SLC22A23: variants seen among roughly 807,000 people sequenced by gnomAD.
The protein encoded by SLC22A23 is ion transporter protein.
SLC22A23 carries 26 observed loss-of-function variants against 61.0 expected under a neutral mutation model. That is an observed-to-expected ratio of 0.43 (90% CI 0.31 to 0.59). SLC22A23 has a LOEUF of 0.59. SLC22A23 is among the 20% of genes least tolerant of loss of function. The pLI is 0.11. For synonymous variants in SLC22A23, 430 were observed against 413.9 expected, an observed-to-expected ratio of 1.04 and a Z score of -0.47; for missense variants, 796 against 934.7, an observed-to-expected ratio of 0.85 and a Z score of 1.94.
At chr6:3,285,492 C>T (rs1156561242) in intron 7 of SLC22A23, among the ~76,000 whole-genome samples, 2 of 152,240 alleles carry the variant, frequency 1.3e-5, no homozygotes, top group East Asian at 3.9e-4. Flanking sequence ...CCCAGCTCTG[C>T]TCCTCACGGC....
At chr6:3,350,243 G>A (rs1764686205) in intron 3 of SLC22A23, among the ~76,000 whole-genome samples, 1 of 152,130 alleles carries the variant, frequency 6.6e-6, no homozygotes, top group African/African-American at 2.4e-5. Flanking sequence ...GCCCTAATGT[G>A]TCATAAACTA....
At chr6:3,358,621 C>T (rs955431211) in intron 3 of SLC22A23, among the ~76,000 whole-genome samples, 5 of 151,974 alleles carry the variant, frequency 3.3e-5, no homozygotes, top group East Asian at 3.9e-4. Context: ...TTCAGGCAGG[C>T]GAGATGAATA....
intron 2 of SLC22A23, among the ~76,000 whole-genome samples, chr6:3,413,883 C>T (rs1286160735): frequency 6.6e-6 from 1 of 152,342 alleles, no homozygotes; most frequent in East Asian, 1.9e-4. Flanking sequence ...AAAACTACCA[C>T]TCAGGCAGCC....
At chr6:3,359,948 T>C (rs1293450444) in intron 3 of SLC22A23, among the ~76,000 whole-genome samples, 1 of 152,218 alleles carries the variant, frequency 6.6e-6, no homozygotes, top group Non-Finnish European at 1.5e-5. Context: ...CTTATTTTTG[T>C]CCTTAGAGGT....
In SLC22A23 at chr6:3,339,476, A is replaced by G. The variant is rs112668580; in HGVS notation, c.914-15474T>C. On this transcript the variant is annotated intron_variant, in intron 3 of 9. Transcript: ENST00000406686. ...ACTCCATCTTAAACAGGAGCTGGGT[A>G]AAATGAGGCTGAAACCTACTGGGCT... Among the ~76,000 whole-genome samples, 1,493 of 152,334 alleles carry G rather than the reference A, an allele frequency of 9.8e-3. 29 individuals are homozygous for G. The highest frequency in any genetic ancestry group is 0.035 in the African/African-American group (1,435 of 41,564).
intron 3 of SLC22A23, among the ~76,000 whole-genome samples, chr6:3,359,796 G>A (rs556806647): frequency 2.0e-5 from 3 of 152,280 alleles, no homozygotes; most frequent in African/African-American, 7.2e-5. Flanking sequence ...TGGGAGCAAC[G>A]CAGGTGTCCA....
chr6:3,285,993 C>T (rs997886672), intron 7 of SLC22A23, among the ~76,000 whole-genome samples: 14 of 151,986 alleles, frequency 9.2e-5, no homozygotes, highest in African/African-American at 2.7e-4. Context: ...GGGCTGGCCA[C>T]GGAGATGCTG....
chr6:3,331,872 T>A (rs9501989), intron 3 of SLC22A23, among the ~76,000 whole-genome samples: 37,227 of 152,002 alleles, frequency 0.24, 5,859 homozygotes, highest in African/African-American at 0.44. Context: ...TTGTTCATTG[T>A]CAAGCTAACT....
intron 3 of SLC22A23, among the ~76,000 whole-genome samples, chr6:3,388,520 T>C (rs996068007): frequency 6.6e-6 from 1 of 152,042 alleles, no homozygotes; most frequent in Non-Finnish European, 1.5e-5. Context: ...AACATAAAAA[T>C]ACAATTACCA....
intron 3 of SLC22A23, among the ~76,000 whole-genome samples, chr6:3,353,465 T>G (rs1292416506): frequency 6.6e-6 from 1 of 152,202 alleles, no homozygotes; most frequent in African/African-American, 2.4e-5. Context: ...TCCCACTCAA[T>G]GGGAAATGCC....
At chr6:3,282,265 G>A (rs1165634325) in intron 9 of SLC22A23, 2 of 702,464 alleles carry the variant, frequency 2.8e-6, no homozygotes, top group Non-Finnish European at 5.2e-6. Context: ...TCGGCCTGAG[G>A]TATCCTGCAA....
intron 3 of SLC22A23, among the ~76,000 whole-genome samples, chr6:3,391,967 C>G (rs1323623350): frequency 2.6e-5 from 4 of 152,042 alleles, no homozygotes; most frequent in African/African-American, 7.3e-5. Context: ...AGTGCAAGAT[C>G]AAAGGGCCAA....
chr6:3,352,153 G>A (rs1025333441), intron 3 of SLC22A23, among the ~76,000 whole-genome samples: 56 of 152,208 alleles, frequency 3.7e-4, no homozygotes, highest in Non-Finnish European at 2.9e-5. Flanking sequence ...GGGAGGAACA[G>A]GGCAGGTTGT....
intron 3 of SLC22A23, among the ~76,000 whole-genome samples, chr6:3,407,537 C>T (rs535852655): frequency 2.0e-5 from 3 of 152,308 alleles, no homozygotes; most frequent in South Asian, 2.1e-4. Context: ...AGAAGCTTTG[C>T]TCTTTTGCCA....
intron 5 of SLC22A23, among the ~76,000 whole-genome samples, chr6:3,292,649 C>G (rs1022653627): frequency 1.3e-5 from 2 of 152,234 alleles, no homozygotes; most frequent in Non-Finnish European, 2.9e-5. Context: ...CACGGATCCC[C>G]GTGTGGTCGG....
rs1025147157 is a variant in SLC22A23, at chr6:3,308,334, C to T, written c.1083-10116G>A. ...TGGGTGGGCACATGTCCTTCCAAAT[C>T]GTATTCAGGGCGCTGACACGCACCT... On this transcript the variant is annotated intron_variant, in intron 4 of 9. Coordinates refer to ENST00000406686, the MANE Select transcript of SLC22A23 (RefSeq NM_015482.2). This position sits in a 1 kb window ranked among gnomAD's most constrained non-coding sequence, Gnocchi z 5.1. Among the ~76,000 whole-genome samples the T allele has an allele frequency of 4.6e-5, 7 of 152,284 alleles. No homozygotes were observed. The highest frequency in any genetic ancestry group is 3.4e-3 in the Middle Eastern group (1 of 294).
intron 3 of SLC22A23, among the ~76,000 whole-genome samples, chr6:3,381,830 G>C (rs947818998): frequency 3.3e-5 from 5 of 152,144 alleles, no homozygotes; most frequent in African/African-American, 1.2e-4. Context: ...GCTCCTTTCA[G>C]ACTCATTTGC....
chr6:3,399,325 G>A (rs917368020), intron 3 of SLC22A23, among the ~76,000 whole-genome samples: 16 of 152,268 alleles, frequency 1.1e-4, no homozygotes, highest in East Asian at 3.9e-4. Context: ...GCCAGCAATC[G>A]GAATGTGGTT....
intron 3 of SLC22A23, among the ~76,000 whole-genome samples, chr6:3,378,452 C>T (rs1484826013): frequency 2.6e-5 from 4 of 152,146 alleles, no homozygotes; most frequent in Admixed American, 2.6e-4. Context: ...ACTGAGGCAA[C>T]AGGGTAATTG....
Sources: allele counts gnomAD v4.1 joint callset (sites outside exome capture counted in the v4.1 genomes callset), GRCh38; gene constraint gnomAD v4.1.1; non-coding constraint Gnocchi (gnomAD v3.1); transcripts MANE v1.5; gene names NCBI Gene and HGNC (gene_info 2026-07-23, HGNC 2026-07-21).